RABGAP1: variants seen among roughly 807,000 people sequenced by gnomAD.
The protein encoded by RABGAP1 is rab GTPase-activating protein 1.
RABGAP1 carries 23 observed loss-of-function variants against 137.6 expected under a neutral mutation model. The ratio of observed to expected loss-of-function variants is 0.17; its 90% CI spans 0.12 to 0.24. RABGAP1 has a LOEUF of 0.24. Ranked by LOEUF, RABGAP1 falls within the 10% of genes least tolerant of loss-of-function variation. The pLI is 1.00. For missense variants in RABGAP1, 906 were observed against 1,275.8 expected, an observed-to-expected ratio of 0.71 and a Z score of 4.42; for synonymous variants, 451 against 450.7, an observed-to-expected ratio of 1.00 and a Z score of -0.01.
intron 13 of RABGAP1, among the ~76,000 whole-genome samples, chr9:123,057,111 C>A (rs1282377906): frequency 6.7e-6 from 1 of 149,402 alleles, no homozygotes; most frequent in South Asian, 2.1e-4. Context: ...GGGGCTGACC[C>A]CCCCACCTCC....
chr9:123,080,177 A>G (rs803715), intron 19 of RABGAP1, among the ~76,000 whole-genome samples: 114,569 of 152,106 alleles, frequency 0.75, 45,146 homozygotes, highest in Middle Eastern at 0.89. Flanking sequence ...GGAGGTATCT[A>G]ATGTCTTTTT....
intron 13 of RABGAP1, among the ~76,000 whole-genome samples, chr9:123,058,283 T>C (rs1033648843): frequency 1.3e-5 from 2 of 152,034 alleles, no homozygotes; most frequent in Admixed American, 6.5e-5. Context: ...TAAGGTAGGA[T>C]AATGGCCAAA....
At chr9:122,951,744 A>G (rs1834262756) in intron 1 of RABGAP1, among the ~76,000 whole-genome samples, 1 of 152,008 alleles carries the variant, frequency 6.6e-6, no homozygotes, top group African/African-American at 2.4e-5. Flanking sequence ...TAATTTTTAA[A>G]TATCTTATTT....
chr9:123,005,588 C>T (rs1014260077), intron 10 of RABGAP1, among the ~76,000 whole-genome samples: 2 of 152,124 alleles, frequency 1.3e-5, no homozygotes, highest in Non-Finnish European at 2.9e-5. Flanking sequence ...ATAGAGATTT[C>T]CTCATTTCCG....
At chr9:122,971,286 A>C (rs1835457085) in intron 2 of RABGAP1, among the ~76,000 whole-genome samples, 1 of 152,144 alleles carries the variant, frequency 6.6e-6, no homozygotes, top group Non-Finnish European at 1.5e-5. Context: ...TAGAGTTTGA[A>C]TTTACACTGC....
intron 13 of RABGAP1, among the ~76,000 whole-genome samples, chr9:123,037,947 A>G (rs920673938): frequency 6.6e-6 from 1 of 152,186 alleles, no homozygotes; most frequent in African/African-American, 2.4e-5. Flanking sequence ...CGTTGGCGGG[A>G]TAGCTCATTT....
At chr9:122,978,182 T>G (rs1835863632) in intron 2 of RABGAP1, among the ~76,000 whole-genome samples, 1 of 152,218 alleles carries the variant, frequency 6.6e-6, no homozygotes, top group African/African-American at 2.4e-5. Flanking sequence ...AGTCATACCT[T>G]TATTCCCCTT....
At chr9:123,031,664 GGA>G (rs986529476) in intron 13 of RABGAP1, among the ~76,000 whole-genome samples, 5 of 152,204 alleles carry the variant, frequency 3.3e-5, no homozygotes, top group Admixed American at 3.3e-4. Context: ...GTGCTTTGAG[GGA>G]GAGAGTGGTC....
At chr9:123,015,150 A>G (rs1179048658) in intron 11 of RABGAP1, among the ~76,000 whole-genome samples, 1 of 152,180 alleles carries the variant, frequency 6.6e-6, no homozygotes, top group Non-Finnish European at 1.5e-5. Context: ...CTCTACTCCT[A>G]TTGTTGGACA....
chr9:122,994,538 T>G (rs1836918566), intron 6 of RABGAP1, among the ~76,000 whole-genome samples: 1 of 152,226 alleles, frequency 6.6e-6, no homozygotes, highest in African/African-American at 2.4e-5. Flanking sequence ...ATGGAAGTAT[T>G]CAAAAATGTT....
intron 19 of RABGAP1, among the ~76,000 whole-genome samples, chr9:123,085,594 G>A (rs913470624): frequency 2.0e-5 from 3 of 152,224 alleles, no homozygotes; most frequent in African/African-American, 7.2e-5. Context: ...AAAGCCTTCT[G>A]ATAGGAATCA....
Position 122,997,345 on chromosome 9 carries a change from T to C in RABGAP1, c.1188T>C (p.Asn396=), listed in dbSNP as rs1312126045. The stretch of plus-strand genomic sequence containing the variant: ...AATCCCCACATTTTCAAGTTGTAAA[T>C]GAAGAAACTCCTAAAGGTGATACAG... The part of the protein sequence containing the change: ...NPKSPHFQVV[N]EETPKDKVLF... Residue 396 remains asparagine (N), a synonymous_variant, in exon 9 of 26, where the codon AAT becomes AAC. Coordinates refer to ENST00000373647, the MANE Select transcript of RABGAP1 (RefSeq NM_012197.4). 2 of 1,605,570 alleles carry C rather than the reference T, an allele frequency of 1.2e-6. No homozygotes were observed. The highest frequency in any genetic ancestry group is 1.7e-6 in the Non-Finnish European group (2 of 1,173,536).
chr9:123,035,231 C>A (rs776038140), intron 13 of RABGAP1: 1 of 1,614,164 alleles, frequency 6.2e-7, no homozygotes, highest in Non-Finnish European at 8.5e-7. Context: ...CAACAGCACA[C>A]AAAGGATATC....
At position 123,010,445 on chromosome 9, in the gene RABGAP1, C is replaced by T. The variant is rs370521260; in HGVS notation, c.1466C>T (p.Thr489Ile). 1.1e-5 allele frequency: 17 copies of T among 1,613,650 alleles called. No individual in the cohort carries two copies. Among genetic ancestry groups the T allele is most frequent in the African/African-American group, 5.3e-5 (4 of 74,908 alleles). Reference protein sequence around the residue: ...SESERERRKTTASPSVRLPQS... With the variant: ...SESERERRKTIASPSVRLPQS... The stretch of plus-strand genomic sequence containing the variant: ...TCAGAAAGAGAGAGGAGGAAAACTA[C>T]AGCCAGTCCTTCAGTTCGCCTGCCA... Residue 489 changes from threonine to isoleucine, a missense_variant, in exon 11 of 26, where the codon ACA (threonine) becomes ATA (isoleucine). This residue lies in a region of RABGAP1 where 212 missense variants were observed against 289.4 expected (regional missense o/e 0.73). Coordinates refer to ENST00000373647, the MANE Select transcript of RABGAP1 (RefSeq NM_012197.4).
chr9:122,958,646 C>G (rs1488907667), intron 2 of RABGAP1, among the ~76,000 whole-genome samples: 1 of 151,976 alleles, frequency 6.6e-6, no homozygotes, highest in Non-Finnish European at 1.5e-5. Flanking sequence ...ACATATGTAA[C>G]AAACCTGCAC....
intron 1 of RABGAP1, among the ~76,000 whole-genome samples, chr9:122,943,912 C>T (rs568283148): frequency 6.6e-6 from 1 of 152,174 alleles, no homozygotes; most frequent in Admixed American, 6.5e-5. Flanking sequence ...AAGATCGCAC[C>T]ACTGCACTCC....
intron 23 of RABGAP1, 101 bp downstream of exon 23, chr9:123,098,899 C>A: frequency 1.6e-6 from 1 of 645,054 alleles, no homozygotes; most frequent in Non-Finnish European, 2.6e-6. Flanking sequence ...ATGCAAGCAC[C>A]CTGGTTTCAG....
At chr9:123,012,603 G>A (rs2030899387) in intron 11 of RABGAP1, among the ~76,000 whole-genome samples, 1 of 152,196 alleles carries the variant, frequency 6.6e-6, no homozygotes, top group South Asian at 2.1e-4. Flanking sequence ...CTTAACTAGG[G>A]AGAGATAAGG....
At chr9:122,958,833 AC>A (rs932660927) in intron 2 of RABGAP1, among the ~76,000 whole-genome samples, 1 of 151,978 alleles carries the variant, frequency 6.6e-6, no homozygotes, top group Non-Finnish European at 1.5e-5. Flanking sequence ...ACATGGCAAA[AC>A]CCCATTTCTA....
Sources: allele counts gnomAD v4.1 joint callset (sites outside exome capture counted in the v4.1 genomes callset), GRCh38; gene constraint gnomAD v4.1.1; regional missense constraint gnomAD v4.1.1; transcripts MANE v1.5; gene names NCBI Gene and HGNC (gene_info 2026-07-23, HGNC 2026-07-21).